Variants in OTUD7A observed in about 807,000 individuals in gnomAD.
OTUD7A encodes OTU domain-containing protein 7A.
OTUD7A carries 12 observed loss-of-function variants against 65.7 expected under a neutral mutation model. The ratio of observed to expected loss-of-function variants is 0.18; its 90% confidence interval spans 0.12 to 0.30. The LOEUF is 0.30. Ranked by LOEUF, OTUD7A falls within the 10% of genes least tolerant of loss-of-function variation. The pLI is 1.00. For synonymous variants in OTUD7A, 641 were observed against 586.3 expected (o/e 1.09, Z -1.35); for missense variants, 1,148 against 1,304.8 (o/e 0.88, Z 1.85).
chr15:31,745,258 A>G (rs1307197451), intron 1 of OTUD7A, among the ~76,000 whole-genome samples: 2 of 152,170 alleles, frequency 1.3e-5, no homozygotes, highest in Non-Finnish European at 2.9e-5. Flanking sequence ...CTAGAAAAAT[A>G]TAAAGCTGGA....
chr15:31,721,144 C>A (rs1284835670), intron 1 of OTUD7A, among the ~76,000 whole-genome samples: 1 of 152,268 alleles, frequency 6.6e-6, no homozygotes, highest in African/African-American at 2.4e-5. Context: ...CGGATTGTAT[C>A]CCTGTGGTCA....
At chr15:31,577,190 T>C (rs1428229469) in intron 3 of OTUD7A, among the ~76,000 whole-genome samples, 1 of 152,148 alleles carries the variant, frequency 6.6e-6, no homozygotes, top group Non-Finnish European at 1.5e-5. Flanking sequence ...GTAGAGACTC[T>C]CCATTAACGC....
At chr15:31,746,628 C>G (rs1894486992) in intron 1 of OTUD7A, among the ~76,000 whole-genome samples, 1 of 151,692 alleles carries the variant, frequency 6.6e-6, no homozygotes, top group African/African-American at 2.4e-5. Context: ...TCCTGAGTAG[C>G]TGGGATTACA....
At chr15:31,657,733 G>A (rs1892035193) in intron 1 of OTUD7A, among the ~76,000 whole-genome samples, 1 of 152,110 alleles carries the variant, frequency 6.6e-6, no homozygotes, top group Non-Finnish European at 1.5e-5. Context: ...ATGATGATAT[G>A]GGAGGGACTG....
rs773399554 is a variant in OTUD7A, at chr15:31,483,462, G to C, written c.2634C>G (p.Thr878=). The C allele has an allele frequency of 2.2e-6, 3 of 1,381,324 alleles. No homozygotes were observed. Among genetic ancestry groups the C allele is most frequent in the South Asian group, 1.4e-5 (1 of 69,186 alleles). The allele number at this position is 1,381,324 out of a possible 1,614,324, so 85.6% of individuals were successfully genotyped here. A position where few individuals can be genotyped will look rare whatever the true frequency, so the allele number is the denominator to read the frequency against. Residue 878 remains threonine (T), a synonymous_variant, in exon 13 of 13, where the codon ACC becomes ACG. Transcript: ENST00000307050. ...GGCCGCACTCACCGTTCGAGCGCGCGGTCGGCGCGTCGGCGTCGGCGAACT... is the reference window on the plus strand; with the variant it reads ...GGCCGCACTCACCGTTCGAGCGCGCCGTCGGCGCGTCGGCGTCGGCGAACT... ...GLEFADADAP[T]ARSNGECGRG...
At chr15:31,717,756 A>G (rs1009780030) in intron 1 of OTUD7A, among the ~76,000 whole-genome samples, 9 of 152,196 alleles carry the variant, frequency 5.9e-5, no homozygotes, top group African/African-American at 2.2e-4. Context: ...GTATATACCC[A>G]GTAATGGGAT....
At chr15:31,790,445 G>A (rs1895784722) in intron 1 of OTUD7A, among the ~76,000 whole-genome samples, 1 of 152,226 alleles carries the variant, frequency 6.6e-6, no homozygotes, top group South Asian at 2.1e-4. Flanking sequence ...GAACCCAGGT[G>A]TTTTGATTCA....
At chr15:31,541,445 C>CT (rs1887984828) in intron 5 of OTUD7A, among the ~76,000 whole-genome samples, 1 of 152,062 alleles carries the variant, frequency 6.6e-6, no homozygotes, top group Non-Finnish European at 1.5e-5. Context: ...AAAATAAGAT[C>CT]TTGTGTGAAT....
At chr15:31,825,221 A>G (rs1174543096) in intron 1 of OTUD7A, among the ~76,000 whole-genome samples, 1 of 152,248 alleles carries the variant, frequency 6.6e-6, no homozygotes, top group Non-Finnish European at 1.5e-5. Flanking sequence ...CACACTGCTG[A>G]TAAAGACATA....
At chr15:31,666,926 A>G (rs1191929336) in intron 1 of OTUD7A, among the ~76,000 whole-genome samples, 1 of 152,016 alleles carries the variant, frequency 6.6e-6, no homozygotes, top group Non-Finnish European at 1.5e-5. Flanking sequence ...ATTCCCATGT[A>G]TTTGCATGGT....
chr15:31,631,519 A>C (rs1290304889), intron 3 of OTUD7A, among the ~76,000 whole-genome samples: 1 of 152,152 alleles, frequency 6.6e-6, no homozygotes, highest in Non-Finnish European at 1.5e-5. Flanking sequence ...TCTGCGCTTA[A>C]CATTTTTTCC....
intron 1 of OTUD7A, among the ~76,000 whole-genome samples, chr15:31,738,430 C>T (rs1341913341): frequency 1.3e-5 from 2 of 152,294 alleles, no homozygotes; most frequent in Non-Finnish European, 2.9e-5. Context: ...CCACCATCAG[C>T]GCTGAATCTA....
chr15:31,826,332 A>C (rs1896797050), intron 1 of OTUD7A, among the ~76,000 whole-genome samples: 1 of 152,256 alleles, frequency 6.6e-6, no homozygotes, highest in Non-Finnish European at 1.5e-5. Flanking sequence ...ACTCAGCACC[A>C]CATGGATATT....
intron 3 of OTUD7A, among the ~76,000 whole-genome samples, chr15:31,643,332 T>C (rs1010793110): frequency 5.9e-5 from 9 of 152,158 alleles, no homozygotes; most frequent in East Asian, 1.9e-4. Context: ...TTTCTGTGTT[T>C]CATTTTGGAT....
At chr15:31,857,892 T>C (rs1897618459) in intron 1 of OTUD7A, among the ~76,000 whole-genome samples, 1 of 152,188 alleles carries the variant, frequency 6.6e-6, no homozygotes, top group African/African-American at 2.4e-5. Flanking sequence ...GTTCAGTTCC[T>C]TCTTGGGCAA....
chr15:31,643,532 C>T (rs1339123469), intron 3 of OTUD7A, among the ~76,000 whole-genome samples: 2 of 152,098 alleles, frequency 1.3e-5, no homozygotes, highest in Non-Finnish European at 2.9e-5. Flanking sequence ...CAGTATGTAC[C>T]TTATTCTATT....
chr15:31,709,426 C>G (rs1462108659), intron 1 of OTUD7A, among the ~76,000 whole-genome samples: 3 of 152,056 alleles, frequency 2.0e-5, no homozygotes, highest in Non-Finnish European at 4.4e-5. Context: ...ACCTGGGAAC[C>G]TGCATAGGGA....
At chr15:31,837,566 A>C (rs1229020661) in intron 1 of OTUD7A, among the ~76,000 whole-genome samples, 2 of 152,112 alleles carry the variant, frequency 1.3e-5, no homozygotes, top group African/African-American at 4.8e-5. Flanking sequence ...AAATAAAATA[A>C]AATACAATGT....
chr15:31,495,221 T>G (rs2041366202), intron 10 of OTUD7A, among the ~76,000 whole-genome samples: 1 of 152,208 alleles, frequency 6.6e-6, no homozygotes, highest in African/African-American at 2.4e-5. Flanking sequence ...CTGGCATCCC[T>G]TTGGAACAGT....
Sources: gnomAD v4.1 joint callset for allele counts (sites outside exome capture counted in the v4.1 genomes callset) on GRCh38, gnomAD v4.1.1 for gene constraint, MANE v1.5 for transcripts, NCBI Gene and HGNC (gene_info 2026-07-23, HGNC 2026-07-21) for gene names.